PCDHGA6: variants seen among roughly 807,000 people sequenced by gnomAD.
PCDHGA6 encodes the protein protocadherin gamma subfamily A, 6, also known as protocadherin gamma-A6.
A neutral mutation model predicts 60.6 loss-of-function variants in PCDHGA6; 41 were observed. The observed-to-expected ratio is 0.68, with a 90% confidence interval of 0.53 to 0.88. PCDHGA6 has a LOEUF of 0.88. Ranked by LOEUF, PCDHGA6 falls within the 40% of genes least tolerant of loss-of-function variation. The pLI, the probability that PCDHGA6 is intolerant of heterozygous loss-of-function variation, is 0.00. For missense variants in PCDHGA6, 1,312 were observed against 1,203.0 expected, an observed-to-expected ratio of 1.09 and a Z score of -1.34; for synonymous variants, 594 against 524.4, an observed-to-expected ratio of 1.13 and a Z score of -1.81.
intron 1 of PCDHGA6, among the ~76,000 whole-genome samples, chr5:141,449,588 CAAAAAAAA>C (rs768743917): frequency 1.7e-5 from 1 of 57,492 alleles, no homozygotes; most frequent in South Asian, 6.3e-4. Context: ...GACTCTGTCT[CAAAAAAAA>C]AAAAAAAAAA....
In PCDHGA6 at chr5:141,374,712, T is replaced by C. The variant is rs745500934; in HGVS notation, c.629T>C (p.Leu210Pro). ...LDREGEAVYRLVLTAMDGGDP... is the reference protein window; with the variant it reads ...LDREGEAVYRPVLTAMDGGDP... The stretch of plus-strand genomic sequence containing the variant: ...CGGGAAGGAGAAGCCGTTTACCGCC[T>C]GGTCCTTACTGCCATGGATGGCGGC... The change falls in exon 1 of 4, where the codon CTG (leucine) becomes CCG (proline). Residue 210 changes from leucine to proline, a missense_variant. Transcript: ENST00000517434. The C allele has an allele frequency of 6.2e-7, 1 of 1,609,662 alleles. No individual in the cohort carries two copies. The highest frequency in any genetic ancestry group is 8.5e-7 in the Non-Finnish European group (1 of 1,177,766).
At chr5:141,483,084 CA>C (rs898059463) in intron 1 of PCDHGA6, among the ~76,000 whole-genome samples, 4 of 150,440 alleles carry the variant, frequency 2.7e-5, no homozygotes, top group Middle Eastern at 3.4e-3. Flanking sequence ...GACTCCATCT[CA>C]AAAAAAAAGT....
chr5:141,494,676 C>G, intron 1 of PCDHGA6, 131 bp from the exon 2 acceptor site: 1 of 1,550,918 alleles, frequency 6.4e-7, no homozygotes, highest in African/African-American at 1.4e-5. Context: ...GAGTCCACCC[C>G]TGCCCCCTCT....
intron 1 of PCDHGA6, chr5:141,388,450 G>GATGGCAA: frequency 6.2e-7 from 1 of 1,613,844 alleles, no homozygotes; most frequent in Non-Finnish European, 8.5e-7. Flanking sequence ...TCAGATGGCA[G>GATGGCAA]TAAATACCCT....
intron 1 of PCDHGA6, among the ~76,000 whole-genome samples, chr5:141,469,882 G>A (rs760102003): frequency 2.6e-5 from 4 of 152,280 alleles, no homozygotes; most frequent in Non-Finnish European, 4.4e-5. Context: ...TGTAATCTCG[G>A]CACTTTGGGA....
Position 141,485,575 on chromosome 5 carries a change from G to C in PCDHGA6, c.2425-9232G>C, listed in dbSNP as rs1200831125. On this transcript the variant is annotated intron_variant, in intron 1 of 3. Coordinates refer to ENST00000517434, the MANE Select transcript of PCDHGA6 (RefSeq NM_018919.3). This position sits in a 1 kb window ranked among gnomAD's most constrained non-coding sequence, Gnocchi z 5.7. ...TGAATGATCACGCCCCCCGTTTTCC[G>C]CGGCAGCAGCTGGACTTGGAAATTG... 2 of 1,612,496 alleles carry C rather than the reference G, an allele frequency of 1.2e-6. No homozygotes were observed. The highest frequency in any genetic ancestry group is 2.7e-5 in the African/African-American group (2 of 74,918).
intron 1 of PCDHGA6, chr5:141,408,692 ATAAAC>A: frequency 1.2e-6 from 2 of 1,613,906 alleles, no homozygotes; most frequent in Non-Finnish European, 1.7e-6. Flanking sequence ...TGATATAAAC[ATAAAC>A]TCAATTAAAG....
intron 1 of PCDHGA6, among the ~76,000 whole-genome samples, chr5:141,457,155 A>G (rs1403164805): frequency 1.3e-5 from 2 of 152,216 alleles, no homozygotes; most frequent in Admixed American, 6.5e-5. Flanking sequence ...AGAAGGTGCT[A>G]CCATGGATAA....
intron 1 of PCDHGA6, chr5:141,400,090 A>G: frequency 6.2e-7 from 1 of 1,614,064 alleles, no homozygotes; most frequent in Non-Finnish European, 8.5e-7. Context: ...CGCCACCGCC[A>G]CGCTGCACTT....
chr5:141,403,354 G>A, intron 1 of PCDHGA6: 7 of 1,614,048 alleles, frequency 4.3e-6, no homozygotes, highest in Non-Finnish European at 5.9e-6. Flanking sequence ...CAAAGTTCCA[G>A]GCCGAAAGTC....
At chr5:141,473,501 G>A (rs1053399138) in intron 1 of PCDHGA6, among the ~76,000 whole-genome samples, 2 of 152,188 alleles carry the variant, frequency 1.3e-5, no homozygotes, top group South Asian at 4.1e-4. Context: ...GGTGTTCTGA[G>A]AGAGCATAAC....
intron 2 of PCDHGA6, among the ~76,000 whole-genome samples, chr5:141,497,213 G>A (rs1313220474): frequency 6.6e-6 from 1 of 152,126 alleles, no homozygotes; most frequent in Non-Finnish European, 1.5e-5. Flanking sequence ...GTGTAATGGG[G>A]GGGGGAAGAT....
intron 1 of PCDHGA6, chr5:141,424,504 GT>G (rs892941709): frequency 6.6e-6 from 1 of 152,016 alleles, no homozygotes; most frequent in Non-Finnish European, 1.5e-5. Context: ...TGTATGGAAG[GT>G]TTTTTAATGT....
chr5:141,510,954 T>G lies in PCDHGA6; in HGVS notation c.2580T>G (p.Ala860=), dbSNP rs774590102. The change falls in exon 4 of 4, where the codon GCT becomes GCG. Residue 860 remains alanine, a synonymous_variant. Coordinates refer to ENST00000517434, the MANE Select transcript of PCDHGA6 (RefSeq NM_018919.3). ...AMILASASEA[A]DGSSTLGGGA... ...CTTCCTCTGTCTCTGCAGAAGCTGC[T>G]GATGGGAGCTCCACCCTGGGAGGGG... is the stretch of plus-strand genomic sequence containing the variant. The G allele has an allele frequency of 3.1e-6, 5 of 1,614,162 alleles. No homozygotes were observed. The Admixed American group carries it at 8.3e-5, about 27-fold the overall frequency.
intron 2 of PCDHGA6, among the ~76,000 whole-genome samples, chr5:141,495,107 AC>A (rs1422274779): frequency 1.3e-5 from 2 of 152,048 alleles, no homozygotes; most frequent in Non-Finnish European, 2.9e-5. Context: ...CACGACCGGC[AC>A]CTTTTCCTAT....
intron 1 of PCDHGA6, chr5:141,408,678 A>G (rs758302984): frequency 2.5e-6 from 4 of 1,613,862 alleles, no homozygotes; most frequent in African/African-American, 1.3e-5. Context: ...CCTGCCACGG[A>G]TCCTGATATA....
At chr5:141,421,173 C>A in intron 1 of PCDHGA6, 2 of 1,377,172 alleles carry the variant, frequency 1.5e-6, no homozygotes, top group Non-Finnish European at 9.7e-7. Context: ...GATACATAAG[C>A]CGATTCACAA....
At position 141,511,373 on chromosome 5, in the gene PCDHGA6, G is replaced by C. The variant is rs1361376059; in HGVS notation, c.*200G>C. 16 of 1,251,214 alleles carry C rather than the reference G, an allele frequency of 1.3e-5. No homozygotes were observed. Among genetic ancestry groups the C allele is most frequent in the Non-Finnish European group, 1.4e-5 (13 of 925,282 alleles). The allele number at this position is 1,251,214 out of a possible 1,614,324, so 77.5% of individuals were successfully genotyped here. A position where few individuals can be genotyped will look rare whatever the true frequency, so the allele number is the denominator to read the frequency against. ...CCCCCAGGGGGTTGAATATGCAAAAGCAGTTCCGCTGGGAACCCCCATCCA... is the reference window on the plus strand; with the variant it reads ...CCCCCAGGGGGTTGAATATGCAAAACCAGTTCCGCTGGGAACCCCCATCCA... On this transcript the variant is annotated 3_prime_UTR_variant, in exon 4 of 4. Transcript: ENST00000517434.
intron 1 of PCDHGA6, chr5:141,405,642 T>C (rs2094697537): frequency 1.9e-6 from 1 of 528,606 alleles, no homozygotes; most frequent in Non-Finnish European, 3.3e-6. Flanking sequence ...GCCCGGCTAA[T>C]TTTTTGTGTG....
Sources: allele counts gnomAD v4.1 joint callset (sites outside exome capture counted in the v4.1 genomes callset), GRCh38; gene constraint gnomAD v4.1.1; non-coding constraint Gnocchi (gnomAD v3.1); transcripts MANE v1.5; gene names NCBI Gene and HGNC (gene_info 2026-07-23, HGNC 2026-07-21).